PSPC1: variants seen among roughly 807,000 people sequenced by gnomAD.
PSPC1 encodes paraspeckle component 1, also known as paraspeckle protein 1.
Under a neutral mutation model 51.6 loss-of-function variants are expected in PSPC1, and 14 were observed. The ratio of observed to expected loss-of-function variants is 0.27; its 90% confidence interval spans 0.18 to 0.42. The LOEUF (loss-of-function observed/expected upper bound fraction) is 0.42. Among genes scored for constraint, PSPC1 ranks in the 10% least tolerant of loss-of-function variants. The pLI is 1.00. For synonymous variants in PSPC1, 193 were observed against 231.9 expected, an observed-to-expected ratio of 0.83 and a Z score of 1.53; for missense variants, 406 against 701.1, an observed-to-expected ratio of 0.58 and a Z score of 4.75.
At chr13:19,768,224 C>T (rs1424574764) in intron 2 of PSPC1, among the ~76,000 whole-genome samples, 1 of 151,242 alleles carries the variant, frequency 6.6e-6, no homozygotes, top group Non-Finnish European at 1.5e-5. Context: ...GACCGTGTCC[C>T]CCCCCAAAAA....
At chr13:19,729,184 T>C (rs1328301700) in intron 6 of PSPC1, among the ~76,000 whole-genome samples, 2 of 152,122 alleles carry the variant, frequency 1.3e-5, no homozygotes, top group African/African-American at 4.8e-5. Context: ...GAAAAGAAGG[T>C]ATATTGTCAC....
At chr13:19,728,752 T>C (rs1883682147) in intron 6 of PSPC1, among the ~76,000 whole-genome samples, 1 of 151,832 alleles carries the variant, frequency 6.6e-6, no homozygotes, top group Non-Finnish European at 1.5e-5. Flanking sequence ...ATATCACTTC[T>C]AATCACAAAT....
At chr13:19,674,549 TAA>T (rs1876420838), downstream of PSPC1, 1 of 152,160 alleles carries the variant, frequency 6.6e-6, no homozygotes, top group Non-Finnish European at 1.5e-5. Flanking sequence ...GTTTGTTTGT[TAA>T]TGAGAATATA....
chr13:19,703,754 A>G (rs1484554226), intron 8 of PSPC1, among the ~76,000 whole-genome samples: 3 of 152,154 alleles, frequency 2.0e-5, no homozygotes, highest in Non-Finnish European at 4.4e-5. Context: ...GAGAAATAAA[A>G]CTGGGGAGCA....
chr13:19,746,029 C>A (rs1158224266), intron 4 of PSPC1, among the ~76,000 whole-genome samples: 49 of 123,164 alleles, frequency 4.0e-4, no homozygotes, highest in African/African-American at 1.4e-3. Context: ...TTTTTTGAGA[C>A]GGAGTCTCGC....
At chr13:19,734,037 A>G (rs1371401808) in intron 5 of PSPC1, among the ~76,000 whole-genome samples, 1 of 152,186 alleles carries the variant, frequency 6.6e-6, no homozygotes, top group Non-Finnish European at 1.5e-5. Context: ...TTAGGGGAAC[A>G]GGAGCATTGC....
downstream of PSPC1, chr13:19,671,414 G>A (rs997029846): frequency 1.3e-6 from 1 of 758,880 alleles, no homozygotes; most frequent in South Asian, 1.6e-5. Context: ...CACTCCCTGG[G>A]GTAGTGATGC....
intron 7 of PSPC1, among the ~76,000 whole-genome samples, chr13:19,707,082 C>T (rs776257315): frequency 3.3e-5 from 5 of 152,076 alleles, no homozygotes; most frequent in Non-Finnish European, 7.4e-5. Flanking sequence ...GGCGTCTTAC[C>T]TCAACAATCC....
intron 8 of PSPC1, among the ~76,000 whole-genome samples, chr13:19,704,388 A>C (rs1414865936): frequency 6.6e-6 from 1 of 151,994 alleles, no homozygotes; most frequent in African/African-American, 2.4e-5. Context: ...TCTTGAAGCA[A>C]ATAAAATAAT....
chr13:19,766,675 C>CA (rs992166348), intron 2 of PSPC1, among the ~76,000 whole-genome samples: 22 of 150,648 alleles, frequency 1.5e-4, no homozygotes, highest in African/African-American at 4.9e-5. Flanking sequence ...ACCTTATCTC[C>CA]AAAAAAAAGC....
At chr13:19,702,034 T>G (rs565274518), downstream of PSPC1, among the ~76,000 whole-genome samples, 1 of 152,252 alleles carries the variant, frequency 6.6e-6, no homozygotes, top group South Asian at 2.1e-4. Context: ...CTAATCAGAT[T>G]CCAATGACTC....
intron 6 of PSPC1, among the ~76,000 whole-genome samples, chr13:19,686,979 C>A (rs1235525763): frequency 6.6e-6 from 1 of 152,050 alleles, no homozygotes; most frequent in Non-Finnish European, 1.5e-5. Flanking sequence ...GGCGGATCAT[C>A]TGAGGTCGGG....
rs1230968270 is a variant in PSPC1 at position 19,736,432 on chromosome 13, C to T, written c.1052+5133G>A. 2.0e-5 allele frequency among the ~76,000 whole-genome samples: 3 copies of T among 152,088 alleles called. No individual in the cohort carries two copies. The South Asian group carries it at 6.2e-4, about 32-fold the overall frequency. ...CGCACAGTGGCTCAAGCCTGTAATC[C>T]CAGCACTTTGGGAGGCCGAGGCGGG... On this transcript the variant is annotated intron_variant, in intron 5 of 8. Transcript: ENST00000338910.
chr13:19,699,543 G>A (rs577830928), downstream of PSPC1: 6 of 152,084 alleles, frequency 3.9e-5, no homozygotes, highest in Admixed American at 3.9e-4. Flanking sequence ...TATATGATTT[G>A]CTTAGAATGA....
Position 19,742,579 on chromosome 13 carries a change from A to G in PSPC1, c.968-930T>C, listed in dbSNP as rs188273858. 3.0e-4 allele frequency among the ~76,000 whole-genome samples: 46 copies of G among 152,226 alleles called. 1 individual carries two copies. The highest frequency in any genetic ancestry group is 7.2e-4 in the Admixed American group (11 of 15,278). Reference sequence around the variant, plus strand: ...CATGGCGCAACCCCATCTCTACTAAAAATACAAAAATTAGCTGGGTATGGA... The same window carrying G: ...CATGGCGCAACCCCATCTCTACTAAGAATACAAAAATTAGCTGGGTATGGA... On this transcript the variant is annotated intron_variant, in intron 4 of 8. Transcript: ENST00000338910.
intron 5 of PSPC1, among the ~76,000 whole-genome samples, chr13:19,736,436 C>A (rs546732187): frequency 2.6e-4 from 39 of 152,190 alleles, no homozygotes; most frequent in African/African-American, 8.7e-4. Flanking sequence ...GTAATCCCAG[C>A]ACTTTGGGAG....
At chr13:19,696,460 T>C (rs1391430716) in intron 6 of PSPC1, among the ~76,000 whole-genome samples, 2 of 151,896 alleles carry the variant, frequency 1.3e-5, no homozygotes, top group Non-Finnish European at 2.9e-5. Flanking sequence ...TTTTTTATTG[T>C]GCTGCATAAT....
chr13:19,679,532 C>T (rs1877043276), intron 6 of PSPC1, among the ~76,000 whole-genome samples: 1 of 152,202 alleles, frequency 6.6e-6, no homozygotes, highest in African/African-American at 2.4e-5. Context: ...AGTTAGGCCC[C>T]GAGTGGTTGT....
chr13:19,736,660 G>A (rs540995068), intron 5 of PSPC1, among the ~76,000 whole-genome samples: 29 of 152,130 alleles, frequency 1.9e-4, no homozygotes, highest in Non-Finnish European at 4.0e-4. Flanking sequence ...TCCAGCCTGG[G>A]CGACAGAGTG....
Sources: allele counts gnomAD v4.1 joint callset (sites outside exome capture counted in the v4.1 genomes callset), GRCh38; gene constraint gnomAD v4.1.1; transcripts MANE v1.5; gene names NCBI Gene and HGNC (gene_info 2026-07-23, HGNC 2026-07-21).